Variants in PTPRM observed in about 807,000 individuals in gnomAD.
PTPRM encodes the protein protein tyrosine phosphatase receptor type M, also known as receptor-type tyrosine-protein phosphatase mu.
In PTPRM, 47 loss-of-function variants were observed where a neutral mutation model predicts 186.7. The ratio of observed to expected loss-of-function variants is 0.25; its 90% CI spans 0.20 to 0.32. PTPRM has a LOEUF of 0.32. Ranked by LOEUF, PTPRM falls within the 10% of genes least tolerant of loss-of-function variation. The pLI, the probability that PTPRM is intolerant of heterozygous loss-of-function variation, is 1.00. For synonymous variants in PTPRM, 668 were observed against 674.9 expected (o/e 0.99, Z 0.16); for missense variants, 1,494 against 1,865.0 (o/e 0.80, Z 3.66).
chr18:8,376,601 C>T lies in PTPRM; in HGVS notation c.3462+4C>T. On this transcript the variant is annotated splice_donor_region_variant and intron_variant, in intron 26 of 32. Transcript: ENST00000580170. ...GGTGAACATGGTGCAAACAGAGGTA[C>T]TCCCGCTCATCACCTAGCCTGGGGC... 6.2e-7 allele frequency: 1 copy of T among 1,609,898 alleles called. No individual in the cohort carries two copies. Among genetic ancestry groups the T allele is most frequent in the Admixed American group, 1.7e-5 (1 of 59,962 alleles).
intron 2 of PTPRM, among the ~76,000 whole-genome samples, chr18:7,787,300 G>GA (rs1245036982): frequency 7.2e-5 from 11 of 152,172 alleles, no homozygotes; most frequent in Admixed American, 5.2e-4. Context: ...TTAAGTTCTG[G>GA]AAAAAATGCT....
chr18:8,371,009 A>G lies in PTPRM; in HGVS notation c.3171+3A>G. On this transcript the variant is annotated splice_donor_region_variant and intron_variant, in intron 24 of 32. Transcript: ENST00000580170. The stretch of plus-strand genomic sequence containing the variant: ...TAAGAACATTTGCTGTTGAAAAGGT[A>G]AGTTTTCATACTGCTTTTAAAAGCT... 1 of 1,536,042 alleles carries G rather than the reference A, an allele frequency of 6.5e-7. No individual in the cohort carries two copies. Among genetic ancestry groups the G allele is most frequent in the East Asian group, 2.3e-5 (1 of 44,278 alleles).
At chr18:7,812,897 G>T (rs1289969204) in intron 2 of PTPRM, among the ~76,000 whole-genome samples, 1 of 152,192 alleles carries the variant, frequency 6.6e-6, no homozygotes, top group Admixed American at 6.5e-5. Context: ...GAGGTGCTGG[G>T]TGGATCTTGT....
Position 7,891,667 on chromosome 18 carries a change from G to A in PTPRM, c.468+3290G>A, listed in dbSNP as rs139211588. Among the ~76,000 whole-genome samples, 532 of 152,170 alleles carry A rather than the reference G, an allele frequency of 3.5e-3. 7 individuals are homozygous for A. The highest frequency in any genetic ancestry group is 0.012 in the African/African-American group (508 of 41,532). Reference sequence around the variant, plus strand: ...AGGCAGGTGGATTGCTTGAGGTCACGAGTTCAGGACCAGCCTGGTCAACAT... The same window carrying A: ...AGGCAGGTGGATTGCTTGAGGTCACAAGTTCAGGACCAGCCTGGTCAACAT... On this transcript the variant is annotated intron_variant, in intron 3 of 32. Transcript: ENST00000580170.
At chr18:7,998,534 C>A (rs1057379214) in intron 7 of PTPRM, among the ~76,000 whole-genome samples, 1 of 151,988 alleles carries the variant, frequency 6.6e-6, no homozygotes, top group Admixed American at 6.6e-5. Context: ...GCGTTTATTC[C>A]TCATGAAGAT....
At chr18:7,932,118 A>G (rs1186367810) in intron 5 of PTPRM, among the ~76,000 whole-genome samples, 4 of 152,202 alleles carry the variant, frequency 2.6e-5, no homozygotes, top group Non-Finnish European at 5.9e-5. Context: ...TGGGAAATAC[A>G]AAGGTTCTGC....
chr18:7,827,192 C>A (rs2045530561), intron 2 of PTPRM, among the ~76,000 whole-genome samples: 1 of 152,172 alleles, frequency 6.6e-6, no homozygotes, highest in South Asian at 2.1e-4. Context: ...AACATATGTT[C>A]CCTGTTAATA....
intron 1 of PTPRM, among the ~76,000 whole-genome samples, chr18:7,587,636 AT>A (rs2037013451): frequency 1.3e-5 from 2 of 152,144 alleles, no homozygotes; most frequent in Admixed American, 1.3e-4. Flanking sequence ...ACTTAAAAGC[AT>A]CTTGTTTAAC....
chr18:8,131,062 C>T (rs549370772), intron 13 of PTPRM, among the ~76,000 whole-genome samples: 5 of 152,154 alleles, frequency 3.3e-5, no homozygotes, highest in Middle Eastern at 3.2e-3. Flanking sequence ...TGTTTTATGG[C>T]CCATGAGGCT....
Position 8,319,185 on chromosome 18 carries a change from A to G in PTPRM, c.2927A>G (p.His976Arg). ...YINGNYIDGY[H>R]RPNHYIATQG... ...TCTTTTATTTATTTTTAGGGTTATCATCGACCCAATCATTACATTGCTACC... is the reference window on the plus strand; with the variant it reads ...TCTTTTATTTATTTTTAGGGTTATCGTCGACCCAATCATTACATTGCTACC... Residue 976 changes from histidine to arginine, a missense_variant, in exon 22 of 33, where the codon CAT (histidine) becomes CGT (arginine). Transcript: ENST00000580170. 1.3e-6 allele frequency: 2 copies of G among 1,554,374 alleles called. No homozygotes were observed. Among genetic ancestry groups the G allele is most frequent in the Non-Finnish European group, 1.8e-6 (2 of 1,130,142 alleles).
At chr18:8,215,338 G>A (rs999176863) in intron 14 of PTPRM, among the ~76,000 whole-genome samples, 1 of 151,824 alleles carries the variant, frequency 6.6e-6, no homozygotes, top group Non-Finnish European at 1.5e-5. Flanking sequence ...AACTTTTCAA[G>A]AATCTGCCAT....
At chr18:8,344,234 A>G (rs965521557) in intron 23 of PTPRM, among the ~76,000 whole-genome samples, 1 of 152,052 alleles carries the variant, frequency 6.6e-6, no homozygotes, top group African/African-American at 2.4e-5. Flanking sequence ...GCCCTCAGCA[A>G]AGGCAGCCTA....
At chr18:7,764,069 G>A (rs2041910509) in intron 1 of PTPRM, among the ~76,000 whole-genome samples, 1 of 151,842 alleles carries the variant, frequency 6.6e-6, no homozygotes, top group African/African-American at 2.4e-5. Flanking sequence ...TATAGATCAG[G>A]GTTTTCTTAG....
At chr18:7,596,528 T>C (rs1420150919) in intron 1 of PTPRM, among the ~76,000 whole-genome samples, 1 of 152,070 alleles carries the variant, frequency 6.6e-6, no homozygotes, top group Non-Finnish European at 1.5e-5. Context: ...CAGTATATTG[T>C]TGTAATTGTT....
At chr18:7,714,268 C>G (rs1157644472) in intron 1 of PTPRM, among the ~76,000 whole-genome samples, 3 of 152,186 alleles carry the variant, frequency 2.0e-5, no homozygotes, top group Non-Finnish European at 2.9e-5. Context: ...TGAGTGACTA[C>G]TGGGTACATA....
intron 1 of PTPRM, among the ~76,000 whole-genome samples, chr18:7,716,607 G>C (rs991784172): frequency 1.3e-4 from 20 of 152,130 alleles, no homozygotes; most frequent in Non-Finnish European, 2.2e-4. Flanking sequence ...CTAATATCTA[G>C]AATCTGCAAA....
At chr18:7,932,261 G>A (rs779630252) in intron 5 of PTPRM, among the ~76,000 whole-genome samples, 1 of 152,148 alleles carries the variant, frequency 6.6e-6, no homozygotes, top group Non-Finnish European at 1.5e-5. Flanking sequence ...TGGAAACCTG[G>A]AAAATAACCC....
At chr18:8,141,709 A>T (rs753072155) in intron 13 of PTPRM, among the ~76,000 whole-genome samples, 1 of 152,190 alleles carries the variant, frequency 6.6e-6, no homozygotes, top group Non-Finnish European at 1.5e-5. Context: ...ACCTTAACTC[A>T]TCTATTTAGG....
intron 20 of PTPRM, among the ~76,000 whole-genome samples, chr18:8,302,209 A>G (rs10163905): frequency 0.53 from 79,988 of 152,040 alleles, 21,962 homozygotes; most frequent in Non-Finnish European, 0.62. Context: ...GTGAGGAGGT[A>G]TGGGAAGGCC....
Sources: allele counts gnomAD v4.1 joint callset (sites outside exome capture counted in the v4.1 genomes callset), GRCh38; gene constraint gnomAD v4.1.1; transcripts MANE v1.5; gene names NCBI Gene and HGNC (gene_info 2026-07-23, HGNC 2026-07-21).